Variants in RASGEF1A observed in about 807,000 individuals in gnomAD.
RASGEF1A encodes RasGEF domain family member 1A.
Under a neutral mutation model 56.4 loss-of-function variants are expected in RASGEF1A, and 18 were observed. The ratio of observed to expected loss-of-function variants is 0.32; its 90% confidence interval spans 0.22 to 0.47. The LOEUF (loss-of-function observed/expected upper bound fraction) is 0.47. RASGEF1A is among the 20% of genes least tolerant of loss of function. RASGEF1A has a pLI of 1.00. For synonymous variants in RASGEF1A, 245 were observed against 242.6 expected (o/e 1.01, Z -0.09); for missense variants, 422 against 627.1 (o/e 0.67, Z 3.49).
At chr10:43,252,064 G>T (rs970363240) in intron 1 of RASGEF1A, among the ~76,000 whole-genome samples, 1 of 152,220 alleles carries the variant, frequency 6.6e-6, no homozygotes, top group African/African-American at 2.4e-5. Flanking sequence ...TGTTGTCAGA[G>T]GGTGAGGACG....
In RASGEF1A at chr10:43,196,622, A is replaced by G; in HGVS notation, c.1349-74T>C. 7.5e-7 allele frequency: 1 copy of G among 1,341,314 alleles called. No homozygotes were observed. The highest frequency in any genetic ancestry group is 1.1e-6 in the Non-Finnish European group (1 of 941,268). 83.1% of individuals were successfully genotyped at this position (1,341,314 alleles called of 1,614,324 possible). A position where few individuals can be genotyped will look rare whatever the true frequency, so the allele number is the denominator to read the frequency against. On this transcript the variant is annotated intron_variant, in intron 11 of 12. Transcript: ENST00000395810. The surrounding 1 kb of genome is among the most constrained non-coding windows in gnomAD (Gnocchi z 4.6). ...GCCTGAACCCAGCTGTCCCTTCAGG[A>G]GTACAGCCCAGCACAAGGGGACAGT...
At chr10:43,197,234 G>T in intron 10 of RASGEF1A, 135 bp from the exon 11 acceptor site, 1 of 1,050,140 alleles carries the variant, frequency 9.5e-7, no homozygotes, top group Non-Finnish European at 1.4e-6. Flanking sequence ...CAGTGGCCCT[G>T]CACGCTGACC....
At chr10:43,216,407 TG>T (rs1230287000) in intron 1 of RASGEF1A, among the ~76,000 whole-genome samples, 1 of 152,130 alleles carries the variant, frequency 6.6e-6, no homozygotes, top group Non-Finnish European at 1.5e-5. Flanking sequence ...GACCATCTTG[TG>T]GGGGTCCTCA....
chr10:43,216,190 C>T (rs1840134421), intron 1 of RASGEF1A, among the ~76,000 whole-genome samples: 2 of 152,136 alleles, frequency 1.3e-5, no homozygotes, highest in Admixed American at 6.5e-5. Flanking sequence ...CTGCCAGGAG[C>T]GGGGGCGCTG....
At chr10:43,262,431 C>A (rs1836545813) in intron 1 of RASGEF1A, among the ~76,000 whole-genome samples, 1 of 152,144 alleles carries the variant, frequency 6.6e-6, no homozygotes, top group Non-Finnish European at 1.5e-5. Context: ...CAGACACCAG[C>A]CCCCCAGACT....
intron 1 of RASGEF1A, among the ~76,000 whole-genome samples, chr10:43,227,756 T>C (rs140756761): frequency 3.0e-4 from 46 of 152,148 alleles, no homozygotes; most frequent in African/African-American, 1.1e-3. Context: ...TGGGAAGTGT[T>C]GAACTGTCCC....
chr10:43,252,721 C>T (rs536919925), intron 1 of RASGEF1A, among the ~76,000 whole-genome samples: 15 of 152,094 alleles, frequency 9.9e-5, no homozygotes, highest in East Asian at 1.9e-4. Context: ...TTTCAGGGCT[C>T]GGCTGCCAAA....
chr10:43,259,314 G>C (rs921656524), intron 1 of RASGEF1A, among the ~76,000 whole-genome samples: 6 of 152,174 alleles, frequency 3.9e-5, no homozygotes, highest in Admixed American at 3.9e-4. Context: ...GGTAGTAGCA[G>C]TGGCCCCTGG....
At chr10:43,238,854 C>T (rs76178577) in intron 1 of RASGEF1A, among the ~76,000 whole-genome samples, 4,269 of 152,300 alleles carry the variant, frequency 0.028, 80 homozygotes, top group Non-Finnish European at 0.047. Flanking sequence ...GGAAAGGGAC[C>T]TGATATCAAA....
intron 1 of RASGEF1A, among the ~76,000 whole-genome samples, chr10:43,244,468 G>A (rs1490128219): frequency 6.6e-6 from 1 of 150,872 alleles, no homozygotes; most frequent in African/African-American, 2.4e-5. Flanking sequence ...GACATCGACA[G>A]AACACTCCAC....
At chr10:43,265,815 G>A (rs1831770691) in intron 1 of RASGEF1A, among the ~76,000 whole-genome samples, 2 of 152,246 alleles carry the variant, frequency 1.3e-5, no homozygotes, top group South Asian at 4.1e-4. Flanking sequence ...ACTGCATCCG[G>A]AGGGGGCGGG....
In RASGEF1A at chr10:43,200,857, T is replaced by C; in HGVS notation, c.491A>G (p.Gln164Arg). Residue 164 changes from glutamine to arginine, a missense_variant, in exon 5 of 13, where the codon CAG (glutamine) becomes CGG (arginine). By Grantham distance (43) the Gln-to-Arg change is conservative (BLOSUM62 1). Coordinates refer to ENST00000395810, the MANE Select transcript of RASGEF1A (RefSeq NM_145313.4). ...GGACAGCAACAGGCTCTGTGTCATC[T>C]GGGCAATGGCCTTCTTCACTGTGCC... is the stretch of plus-strand genomic sequence containing the variant. ...ENGTVKKAIA[Q>R]MTQSLLLSLA... 1.2e-6 allele frequency: 2 copies of C among 1,614,042 alleles called. No individual in the cohort carries two copies. The highest frequency in any genetic ancestry group is 2.2e-5 in the East Asian group (1 of 44,874).
At chr10:43,229,779 G>C in intron 1 of RASGEF1A, 1 of 1,282,616 alleles carries the variant, frequency 7.8e-7, no homozygotes, top group Non-Finnish European at 9.9e-7. Context: ...GCCTCCGCTG[G>C]AGGGGTGGGA....
At chr10:43,251,562 G>A (rs536066206) in intron 1 of RASGEF1A, among the ~76,000 whole-genome samples, 22 of 152,308 alleles carry the variant, frequency 1.4e-4, no homozygotes, top group African/African-American at 3.8e-4. Context: ...GACGCCAGCC[G>A]CTGTGAAAAT....
In RASGEF1A at chr10:43,209,245, G is replaced by C. The variant is rs1410508898; in HGVS notation, c.-6-3123C>G. 4.1e-6 allele frequency: 4 copies of C among 981,660 alleles called. No individual in the cohort carries two copies. The East Asian group carries it at 3.4e-4, about 84-fold the overall frequency. 60.8% of individuals were successfully genotyped at this position (981,660 alleles called of 1,614,324 possible). A position where few individuals can be genotyped will look rare whatever the true frequency, so the allele number is the denominator to read the frequency against. On this transcript the variant is annotated intron_variant, in intron 1 of 12. Transcript: ENST00000395810. ...GCAAGGCTACAGTTGAAGAATCCCA[G>C]TTACTCTTCCCAGTCACCCCCTATG...
chr10:43,204,660 G>C (rs951726082), intron 2 of RASGEF1A, among the ~76,000 whole-genome samples: 4 of 152,222 alleles, frequency 2.6e-5, no homozygotes, highest in Admixed American at 2.6e-4. Context: ...GTGCACATGG[G>C]GAAGGGTGGG....
At chr10:43,266,181 C>A (rs72783257) in intron 1 of RASGEF1A, among the ~76,000 whole-genome samples, 22,818 of 152,186 alleles carry the variant, frequency 0.15, 1,813 homozygotes, top group Admixed American at 0.19. Context: ...CTCCCGCCCC[C>A]ACCTCTCACT....
Position 43,201,931 on chromosome 10 carries a change from A to G in RASGEF1A, c.336T>C (p.Ser112=), listed in dbSNP as rs768374189. 7 of 1,608,542 alleles carry G rather than the reference A, an allele frequency of 4.4e-6. No individual in the cohort carries two copies. The highest frequency in any genetic ancestry group is 6.0e-6 in the Non-Finnish European group (7 of 1,176,450). Residue 112 remains serine, a synonymous_variant, in exon 4 of 13, where the codon TCT becomes TCC. Transcript: ENST00000395810. The part of the protein sequence containing the change: ...EAGPEKAKLK[S]FSAKIVQLLK... ...GGAGCTGCACGATCTTGGCTGAGAA[A>G]GACTTCAGCTTGGCCTGGGGCAGCA... is the stretch of plus-strand genomic sequence containing the variant.
At chr10:43,244,109 CAT>C (rs1178825558) in intron 1 of RASGEF1A, among the ~76,000 whole-genome samples, 2 of 152,226 alleles carry the variant, frequency 1.3e-5, no homozygotes, top group African/African-American at 4.8e-5. Flanking sequence ...CTCTCTGAAA[CAT>C]GTGCTGTGTC....
Sources: allele counts gnomAD v4.1 joint callset (sites outside exome capture counted in the v4.1 genomes callset), GRCh38; gene constraint gnomAD v4.1.1; non-coding constraint Gnocchi (gnomAD v3.1); transcripts MANE v1.5; gene names NCBI Gene and HGNC (gene_info 2026-07-23, HGNC 2026-07-21).